Variants in CPNE8 observed in about 807,000 individuals in gnomAD.
CPNE8 encodes copine-8.
Under a neutral mutation model 81.5 loss-of-function variants are expected in CPNE8, and 45 were observed. The ratio of observed to expected loss-of-function variants is 0.55; its 90% confidence interval spans 0.44 to 0.71. The LOEUF is 0.71. Ranked by LOEUF, CPNE8 falls within the 30% of genes least tolerant of loss-of-function variation. CPNE8 has a pLI of 0.00. For synonymous variants in CPNE8, 252 were observed against 226.3 expected (o/e 1.11, Z -1.02); for missense variants, 594 against 672.1 (o/e 0.88, Z 1.28).
At chr12:38,823,376 G>C (rs1014303976) in intron 6 of CPNE8, among the ~76,000 whole-genome samples, 10 of 152,064 alleles carry the variant, frequency 6.6e-5, no homozygotes, top group African/African-American at 2.4e-4. Flanking sequence ...ACTTGCCTCT[G>C]AGTCCCTGTC....
chr12:38,881,102 C>A (rs1374126332), intron 1 of CPNE8, among the ~76,000 whole-genome samples: 1 of 151,392 alleles, frequency 6.6e-6, no homozygotes, highest in Non-Finnish European at 1.5e-5. Flanking sequence ...CCCGGCTACT[C>A]GGGAGGCTAA....
intron 10 of CPNE8, among the ~76,000 whole-genome samples, chr12:38,736,718 C>T (rs922527989): frequency 6.6e-6 from 1 of 151,958 alleles, no homozygotes; most frequent in Non-Finnish European, 1.5e-5. Context: ...AAAAGCTCCC[C>T]ATTCAAATTA....
At chr12:38,783,679 AC>A (rs1209237322) in intron 6 of CPNE8, among the ~76,000 whole-genome samples, 1 of 152,080 alleles carries the variant, frequency 6.6e-6, no homozygotes, top group Non-Finnish European at 1.5e-5. Flanking sequence ...AGAAAGAGAG[AC>A]CCTGTTTGTT....
At chr12:38,780,515 T>C (rs552664298) in intron 6 of CPNE8, among the ~76,000 whole-genome samples, 2 of 151,976 alleles carry the variant, frequency 1.3e-5, no homozygotes, top group African/African-American at 4.8e-5. Context: ...CCAAGCAGCA[T>C]AATAAAAATA....
chr12:38,666,790 A>G (rs919794533), intron 19 of CPNE8, among the ~76,000 whole-genome samples: 2 of 152,158 alleles, frequency 1.3e-5, no homozygotes, highest in African/African-American at 2.4e-5. Flanking sequence ...CATGTTAAGA[A>G]TCTTAGAATC....
At chr12:38,706,312 C>A (rs927123017) in intron 13 of CPNE8, among the ~76,000 whole-genome samples, 1 of 151,836 alleles carries the variant, frequency 6.6e-6, no homozygotes, top group African/African-American at 2.4e-5. Flanking sequence ...AATAACAAAC[C>A]CAAATTTGAT....
At chr12:38,780,108 C>T (rs1295464831) in intron 6 of CPNE8, among the ~76,000 whole-genome samples, 1 of 151,916 alleles carries the variant, frequency 6.6e-6, no homozygotes, top group East Asian at 1.9e-4. Context: ...AAGTAAGGGT[C>T]CAATTTAATT....
intron 1 of CPNE8, among the ~76,000 whole-genome samples, chr12:38,899,468 G>C (rs1330134959): frequency 6.6e-6 from 1 of 152,158 alleles, no homozygotes; most frequent in East Asian, 1.9e-4. Flanking sequence ...ATAAATGTAT[G>C]ATGTTAATAA....
chr12:38,844,096 C>G (rs977108060), intron 4 of CPNE8, among the ~76,000 whole-genome samples: 1 of 151,992 alleles, frequency 6.6e-6, no homozygotes, highest in Non-Finnish European at 1.5e-5. Flanking sequence ...TATTTTTCCT[C>G]AAAGTGTTGA....
chr12:38,780,383 T>C (rs993693893), intron 6 of CPNE8, among the ~76,000 whole-genome samples: 10 of 152,092 alleles, frequency 6.6e-5, no homozygotes, highest in Non-Finnish European at 1.3e-4. Context: ...ATATGTTTAA[T>C]CAGAGTTCCA....
chr12:38,872,334 A>G (rs1162845557), intron 3 of CPNE8, among the ~76,000 whole-genome samples: 1 of 152,216 alleles, frequency 6.6e-6, no homozygotes, highest in African/African-American at 2.4e-5. Context: ...ACTCTGTGGC[A>G]CAAATAGCAC....
At position 38,799,188 on chromosome 12, in the gene CPNE8, A is replaced by T. The variant is rs942487195; in HGVS notation, c.408-22887T>A. ...ACCCGGGAATTGAACTCATCTCTGC[A>T]CCAAGGGGACCTAATAGACATCTAC... On this transcript the variant is annotated intron_variant, in intron 6 of 19. Coordinates refer to ENST00000331366, the MANE Select transcript of CPNE8 (RefSeq NM_153634.3). 3.3e-5 allele frequency among the ~76,000 whole-genome samples: 5 copies of T among 152,188 alleles called. 1 individual carries two copies. Among genetic ancestry groups the T allele is most frequent in the African/African-American group, 7.2e-5 (3 of 41,444 alleles).
At chr12:38,737,170 G>A (rs1940975294) in intron 10 of CPNE8, among the ~76,000 whole-genome samples, 1 of 151,508 alleles carries the variant, frequency 6.6e-6, no homozygotes, top group Non-Finnish European at 1.5e-5. Flanking sequence ...AAACAAAAAA[G>A]CAGCACTATT....
At chr12:38,730,191 C>T (rs989106942) in intron 11 of CPNE8, 92 bp downstream of exon 11, 3 of 798,382 alleles carry the variant, frequency 3.8e-6, no homozygotes, top group Middle Eastern at 2.3e-4. Context: ...CTTAGTTAAC[C>T]TTTGGCAATT....
chr12:38,674,926 A>G (rs1047261314), intron 18 of CPNE8, among the ~76,000 whole-genome samples: 4 of 152,218 alleles, frequency 2.6e-5, no homozygotes, highest in Admixed American at 1.3e-4. Context: ...CTCAAGCTAA[A>G]TAAGCTGCCA....
chr12:38,658,554 A>C (rs547195041), intron 19 of CPNE8, among the ~76,000 whole-genome samples: 1 of 152,248 alleles, frequency 6.6e-6, no homozygotes, highest in East Asian at 1.9e-4. Context: ...AGAGAACACC[A>C]AAAGGTACTC....
intron 13 of CPNE8, among the ~76,000 whole-genome samples, chr12:38,710,268 CAAAA>C (rs57376063): frequency 4.1e-3 from 205 of 50,298 alleles, no homozygotes; most frequent in African/African-American, 0.013. Flanking sequence ...AATAAGCTAA[CAAAA>C]AAAAAAAAAA....
At chr12:38,673,448 A>G (rs1433214785) in intron 18 of CPNE8, among the ~76,000 whole-genome samples, 1 of 152,182 alleles carries the variant, frequency 6.6e-6, no homozygotes, top group Non-Finnish European at 1.5e-5. Flanking sequence ...TTGACTAGTC[A>G]GAGATTTTTC....
intron 1 of CPNE8, among the ~76,000 whole-genome samples, chr12:38,896,974 G>T (rs1479268700): frequency 6.6e-6 from 1 of 152,070 alleles, no homozygotes; most frequent in Non-Finnish European, 1.5e-5. Context: ...GCATTGTACA[G>T]ACTTTATTTC....
Sources: allele counts gnomAD v4.1 joint callset (sites outside exome capture counted in the v4.1 genomes callset), GRCh38; gene constraint gnomAD v4.1.1; transcripts MANE v1.5; gene names NCBI Gene and HGNC (gene_info 2026-07-23, HGNC 2026-07-21).